Variants in CCDC171 observed in about 807,000 individuals in gnomAD.
The protein encoded by CCDC171 is coiled-coil domain-containing protein 171.
A neutral mutation model predicts 168.2 loss-of-function variants in CCDC171; 177 were observed. The observed-to-expected ratio is 1.05, with a 90% CI of 0.93 to 1.19. The LOEUF (loss-of-function observed/expected upper bound fraction) is 1.19, where lower values mean the gene tolerates loss of function less well. CCDC171 is among the 50% of genes most tolerant of loss of function. The pLI, the probability that CCDC171 is intolerant of heterozygous loss-of-function variation, is 0.00. For missense variants in CCDC171, 1,991 were observed against 1,539.0 expected (o/e 1.29, Z -4.91); for synonymous variants, 687 against 540.8 (o/e 1.27, Z -3.75).
chr9:16,105,158 C>T, the CCDC171 span, among the ~76,000 whole-genome samples: 4 of 152,146 alleles, frequency 2.6e-5, no homozygotes, highest in South Asian at 2.1e-4. Context: ...TCCTATGAGA[C>T]GGCAGCAGTG....
At chr9:15,945,935 T>G (rs903224869) in intron 25 of CCDC171, among the ~76,000 whole-genome samples, 1 of 150,994 alleles carries the variant, frequency 6.6e-6, no homozygotes, top group Non-Finnish European at 1.5e-5. Context: ...TTTTGGTGTT[T>G]TAGACATGAA....
chr9:15,809,605 CGTCTGGAGTTGTTCATTCTTCCT>C (rs1563779013), intron 21 of CCDC171, among the ~76,000 whole-genome samples: 3 of 151,872 alleles, frequency 2.0e-5, no homozygotes, highest in Non-Finnish European at 2.9e-5. Flanking sequence ...TAAGGCGGCA[CGTCTGGAGTTGTTCATTCTTCCT>C]GTCCGGAGTT....
At chr9:15,586,017 A>G (rs2041530800) in intron 4 of CCDC171, among the ~76,000 whole-genome samples, 1 of 152,156 alleles carries the variant, frequency 6.6e-6, no homozygotes, top group South Asian at 2.1e-4. Context: ...TACACTAAAG[A>G]TTTGTGCATT....
At chr9:15,597,151 C>T (rs140382641) in intron 6 of CCDC171, among the ~76,000 whole-genome samples, 80,930 of 151,430 alleles carry the variant, frequency 0.53, 21,910 homozygotes, top group East Asian at 0.75. Flanking sequence ...TTCTCCTGCC[C>T]GATTGCCCTG....
chr9:15,660,945 A>T (rs1397603722), intron 8 of CCDC171, among the ~76,000 whole-genome samples: 11 of 152,168 alleles, frequency 7.2e-5, no homozygotes. Flanking sequence ...CCAATAATAT[A>T]TAAACATTTC....
chr9:15,871,686 A>G (rs1201660588), intron 23 of CCDC171, among the ~76,000 whole-genome samples: 1 of 151,940 alleles, frequency 6.6e-6, no homozygotes, highest in Non-Finnish European at 1.5e-5. Context: ...ACTTAATGCA[A>G]CAAGGTAAGA....
At chr9:15,630,643 C>G (rs1344779542) in intron 7 of CCDC171, among the ~76,000 whole-genome samples, 6 of 152,216 alleles carry the variant, frequency 3.9e-5, no homozygotes, top group African/African-American at 1.4e-4. Context: ...CAAGGATATC[C>G]AGGAATTGAA....
chr9:15,705,091 GAC>G (rs3082789), intron 11 of CCDC171, among the ~76,000 whole-genome samples: 10,047 of 147,698 alleles, frequency 0.068, 404 homozygotes, highest in Middle Eastern at 0.097. Context: ...GTATCCTTAC[GAC>G]ACACACACAC....
chr9:16,102,399 C>G, the CCDC171 span, among the ~76,000 whole-genome samples: 2 of 149,874 alleles, frequency 1.3e-5, no homozygotes, highest in Admixed American at 6.8e-5. Flanking sequence ...GTTGCTGGCT[C>G]GCTAAGTAAA....
chr9:15,777,536 C>T (rs2057392153), intron 18 of CCDC171, 64 bp from the exon 19 acceptor site: 2 of 846,700 alleles, frequency 2.4e-6, no homozygotes, highest in Middle Eastern at 5.7e-4. Flanking sequence ...ATGTGATTAG[C>T]AGTGTTGTGA....
chr9:15,724,407 G>C (rs921846434), intron 13 of CCDC171, among the ~76,000 whole-genome samples: 2 of 152,102 alleles, frequency 1.3e-5, no homozygotes, highest in Non-Finnish European at 2.9e-5. Context: ...GATGTCATTG[G>C]AAAGTAAATG....
At chr9:16,008,304 G>A (rs1832765564) in intron 3 of CCDC171, among the ~76,000 whole-genome samples, 1 of 151,932 alleles carries the variant, frequency 6.6e-6, no homozygotes, top group Non-Finnish European at 1.5e-5. Context: ...GGTTATCCTG[G>A]TATCCCTGCA....
chr9:15,850,247 TTAGA>T (rs1455179642), intron 23 of CCDC171: 1 of 151,846 alleles, frequency 6.6e-6, no homozygotes, highest in Admixed American at 6.6e-5. Flanking sequence ...AAAAAAAGAG[TTAGA>T]TAGCAGCTAA....
chr9:15,822,206 G>A (rs141400904), intron 21 of CCDC171, among the ~76,000 whole-genome samples: 2,738 of 152,112 alleles, frequency 0.018, 97 homozygotes, highest in African/African-American at 0.062. Flanking sequence ...CGACTTAAAT[G>A]TCAGACCTAA....
intron 21 of CCDC171, among the ~76,000 whole-genome samples, chr9:15,791,049 C>G (rs1242824118): frequency 1.8e-4 from 28 of 152,096 alleles, no homozygotes; most frequent in Admixed American, 1.6e-3. Flanking sequence ...CAGCTTTGTT[C>G]TTTTTGCTTA....
chr9:16,085,834 C>G, the CCDC171 span, among the ~76,000 whole-genome samples: 1 of 152,228 alleles, frequency 6.6e-6, no homozygotes. Context: ...TAATAGAGAC[C>G]ACAAACATGA....
intron 18 of CCDC171, among the ~76,000 whole-genome samples, chr9:15,749,867 G>T (rs2134788583): frequency 6.6e-6 from 1 of 152,266 alleles, no homozygotes; most frequent in East Asian, 1.9e-4. Context: ...ACAAGAGAAA[G>T]CAGGAAAGAT....
intron 20 of CCDC171, among the ~76,000 whole-genome samples, chr9:15,782,528 G>A (rs957287343): frequency 5.9e-5 from 9 of 152,164 alleles, no homozygotes; most frequent in Non-Finnish European, 8.8e-5. Flanking sequence ...CACACGTTCT[G>A]TTAAAACAAG....
intron 21 of CCDC171, among the ~76,000 whole-genome samples, chr9:15,807,997 A>G (rs1361403478): frequency 6.6e-6 from 1 of 151,538 alleles, no homozygotes; most frequent in Non-Finnish European, 1.5e-5. Context: ...TGTTTTACAT[A>G]TTTTGTCCAG....
Sources: gnomAD v4.1 joint callset for allele counts (sites outside exome capture counted in the v4.1 genomes callset) on GRCh38, gnomAD v4.1.1 for gene constraint, MANE v1.5 for transcripts, NCBI Gene and HGNC (gene_info 2026-07-23, HGNC 2026-07-21) for gene names.